Variants in RAB11A observed in about 807,000 individuals in gnomAD.
The protein encoded by RAB11A is ras-related protein Rab-11A.
A neutral mutation model predicts 28.0 loss-of-function variants in RAB11A; 9 were observed. The observed-to-expected ratio is 0.32, with a 90% CI of 0.19 to 0.56. The LOEUF is 0.56. Among genes scored for constraint, RAB11A ranks in the 20% least tolerant of loss-of-function variants. The pLI, the probability that RAB11A is intolerant of heterozygous loss-of-function variation, is 0.91. For synonymous variants in RAB11A, 85 were observed against 88.2 expected, an observed-to-expected ratio of 0.96 and a Z score of 0.20; for missense variants, 108 against 269.6, an observed-to-expected ratio of 0.40 and a Z score of 4.20.
intron 3 of RAB11A, 152 bp from the exon 4 acceptor site, chr15:65,879,519 A>G (rs2078209280): frequency 1.4e-5 from 7 of 493,014 alleles, no homozygotes; most frequent in Non-Finnish European, 2.2e-5. Flanking sequence ...GTAAATAAAT[A>G]AAGTGTAAAC....
intron 4 of RAB11A, among the ~76,000 whole-genome samples, chr15:65,886,814 CACTA>C (rs1314798128): frequency 1.2e-4 from 19 of 152,166 alleles, no homozygotes; most frequent in African/African-American, 4.6e-4. Context: ...AAGAGGCAGA[CACTA>C]AATTATTTTT....
chr15:65,871,143 T>G (rs1441853842), intron 1 of RAB11A, among the ~76,000 whole-genome samples: 1 of 152,144 alleles, frequency 6.6e-6, no homozygotes, highest in Admixed American at 6.5e-5. Flanking sequence ...AATGATTGAC[T>G]AAACCAAGCA....
At chr15:65,884,758 T>TAA (rs59249589) in intron 4 of RAB11A, among the ~76,000 whole-genome samples, 5 of 120,860 alleles carry the variant, frequency 4.1e-5, no homozygotes, top group Non-Finnish European at 7.1e-5. Context: ...GGTGTGTCAT[T>TAA]AAAAAAAAAA....
intron 1 of RAB11A, 56 bp downstream of exon 1, chr15:65,869,681 T>A: frequency 1.9e-6 from 3 of 1,564,316 alleles, no homozygotes; most frequent in Non-Finnish European, 2.6e-6. Context: ...CCCGGGCCAC[T>A]CCCGGTGGAC....
At chr15:65,869,773 G>C (rs1330745346) in intron 1 of RAB11A, 148 bp downstream of exon 1, 10 of 836,100 alleles carry the variant, frequency 1.2e-5, no homozygotes, top group Non-Finnish European at 1.7e-5. Context: ...ACCCAGCTCA[G>C]CCTCTTCTCC....
Position 65,869,609 on chromosome 15 carries a change from C to T in RAB11A, c.24C>T (p.Tyr8=), listed in dbSNP as rs1199375948. The change falls in exon 1 of 5, where the codon TAC becomes TAT. Residue 8 remains tyrosine (Y), a synonymous_variant. Coordinates refer to ENST00000261890, the MANE Select transcript of RAB11A (RefSeq NM_004663.5). The part of the protein sequence containing the change: MGTRDDE[Y]DYLFKVVLIG... ...CAATGGGCACCCGCGACGACGAGTACGACTACCTCTTTAAAGGTGAGGCCA... is the reference window on the plus strand; with the variant it reads ...CAATGGGCACCCGCGACGACGAGTATGACTACCTCTTTAAAGGTGAGGCCA... 1.9e-6 allele frequency: 3 copies of T among 1,611,728 alleles called. No homozygotes were observed. The highest frequency in any genetic ancestry group is 1.1e-5 in the South Asian group (1 of 91,080).
intron 3 of RAB11A, among the ~76,000 whole-genome samples, chr15:65,878,258 G>A (rs1416582280): frequency 6.6e-6 from 1 of 152,246 alleles, no homozygotes. Context: ...GGCTCAGGGA[G>A]TGTCAGGGAC....
chr15:65,889,912 G>A lies in RAB11A; in HGVS notation c.*2072G>A, dbSNP rs1401105663. 6.6e-6 allele frequency: 1 copy of A among 152,118 alleles called. No homozygotes were observed. Among genetic ancestry groups the A allele is most frequent in the Non-Finnish European group, 1.5e-5 (1 of 68,030 alleles). The allele number at this position is 152,118 out of a possible 1,614,324, so 9.4% of individuals were successfully genotyped here. On this transcript the variant is annotated 3_prime_UTR_variant, in exon 5 of 5. Coordinates refer to ENST00000261890, the MANE Select transcript of RAB11A (RefSeq NM_004663.5). The stretch of plus-strand genomic sequence containing the variant: ...AATGACTTTGATTGCATTTCAGCAG[G>A]TGTCTTTATTCTGAGTAGTATCTTA...
chr15:65,884,986 G>A (rs545345457), intron 4 of RAB11A, among the ~76,000 whole-genome samples: 1 of 146,000 alleles, frequency 6.8e-6, no homozygotes, highest in Non-Finnish European at 1.5e-5. Flanking sequence ...TTTGGAGACA[G>A]GGTCTCACAC....
At chr15:65,870,264 C>T (rs971032507) in intron 1 of RAB11A, among the ~76,000 whole-genome samples, 3 of 152,208 alleles carry the variant, frequency 2.0e-5, no homozygotes, top group Non-Finnish European at 2.9e-5. Context: ...CGGTCCTTAA[C>T]CTTCTCTGAC....
intron 1 of RAB11A, 111 bp downstream of exon 1, chr15:65,869,736 C>G (rs1412851500): frequency 1.7e-6 from 2 of 1,186,020 alleles, no homozygotes; most frequent in Non-Finnish European, 2.3e-6. Flanking sequence ...TCCCTCAGCC[C>G]TTCCTTTTTG....
chr15:65,881,722 A>C lies in RAB11A; in HGVS notation c.511+1971A>C, dbSNP rs1198016377. Among the ~76,000 whole-genome samples, 61 of 152,050 alleles carry C rather than the reference A, an allele frequency of 4.0e-4. 1 individual carries two copies. Among genetic ancestry groups the C allele is most frequent in the Admixed American group, 4.0e-3 (61 of 15,264 alleles). On this transcript the variant is annotated intron_variant, in intron 4 of 4. Transcript: ENST00000261890. ...CTTTAAGAGCTGGGCATGTTGATGC[A>C]CGCCTGTAATCCCAGCATTTTGGGA...
chr15:65,882,888 A>G (rs1196875957), intron 4 of RAB11A, among the ~76,000 whole-genome samples: 6 of 152,212 alleles, frequency 3.9e-5, no homozygotes, highest in African/African-American at 1.2e-4. Flanking sequence ...TTTCAAATTT[A>G]AAGAGGTTGA....
Position 65,869,554 on chromosome 15 carries a change from C to G in RAB11A, c.-32C>G. On this transcript the variant is annotated 5_prime_UTR_variant, in exon 1 of 5. Coordinates refer to ENST00000261890, the MANE Select transcript of RAB11A (RefSeq NM_004663.5). ...CCCCCTGGTCCCACAGATACCACTG[C>G]TGCTCCCGCCCTTTCGCTCCTCGGC... 1 of 1,607,562 alleles carries G rather than the reference C, an allele frequency of 6.2e-7. No individual in the cohort carries two copies.
chr15:65,874,502 A>G (rs901991297), intron 1 of RAB11A, among the ~76,000 whole-genome samples: 2 of 152,092 alleles, frequency 1.3e-5, no homozygotes, highest in Non-Finnish European at 2.9e-5. Context: ...TGGCCTTCCA[A>G]AGTGCTGGGA....
intron 3 of RAB11A, 163 bp downstream of exon 3, chr15:65,878,118 A>C (rs1288259524): frequency 1.3e-5 from 10 of 756,890 alleles, no homozygotes; most frequent in Non-Finnish European, 2.1e-5. Context: ...TTTTGCTTTG[A>C]GTCATTAAAA....
chr15:65,891,682 G>A lies in RAB11A; in HGVS notation c.*3842G>A, dbSNP rs1272326357. The A allele has an allele frequency of 6.6e-6, 1 of 152,154 alleles. No individual in the cohort carries two copies. The highest frequency in any genetic ancestry group is 2.4e-5 in the African/African-American group (1 of 41,430). The allele number at this position is 152,154 out of a possible 1,614,324, so 9.4% of individuals were successfully genotyped here. Reference sequence around the variant, plus strand: ...AAATTTAATAGAGAAGTCAAAATGAGGTATGCACTTTGTGGAATGTTTTTG... The same window carrying A: ...AAATTTAATAGAGAAGTCAAAATGAAGTATGCACTTTGTGGAATGTTTTTG... On this transcript the variant is annotated 3_prime_UTR_variant, in exon 5 of 5. Transcript: ENST00000261890.
Position 65,877,801 on chromosome 15 carries a change from C to T in RAB11A, c.276C>T (p.Asp92=), listed in dbSNP as rs533526664. 3 of 1,610,590 alleles carry T rather than the reference C, an allele frequency of 1.9e-6. No homozygotes were observed. Among genetic ancestry groups the T allele is most frequent in the Admixed American group, 3.3e-5 (2 of 59,954 alleles). The change falls in exon 3 of 5, where the codon GAC becomes GAT. Residue 92 remains aspartate, a synonymous_variant. Transcript: ENST00000261890. The surrounding 1 kb of genome is among the most constrained non-coding windows in gnomAD (Gnocchi z 4.1). ...CTGTAGGTGCCTTATTGGTTTATGACATTGCTAAACATCTCACATATGAAA... is the reference window on the plus strand; with the variant it reads ...CTGTAGGTGCCTTATTGGTTTATGATATTGCTAAACATCTCACATATGAAA... The part of the protein sequence containing the change: ...RGAVGALLVY[D]IAKHLTYENV...
At position 65,877,991 on chromosome 15, in the gene RAB11A, T is replaced by C. The variant is rs1180250428; in HGVS notation, c.430+36T>C. The C allele has an allele frequency of 6.4e-7, 1 of 1,566,402 alleles. No homozygotes were observed. The highest frequency in any genetic ancestry group is 2.2e-5 in the East Asian group (1 of 44,610). On this transcript the variant is annotated intron_variant, in intron 3 of 4. Transcript: ENST00000261890. The surrounding 1 kb of genome is among the most constrained non-coding windows in gnomAD (Gnocchi z 4.1). ...GGAATTCCATGATATTTCTTACCATTGTGTCTTGTGGTTTTGATACCTTCC... is the reference window on the plus strand; with the variant it reads ...GGAATTCCATGATATTTCTTACCATCGTGTCTTGTGGTTTTGATACCTTCC...
Sources: gnomAD v4.1 joint callset for allele counts (sites outside exome capture counted in the v4.1 genomes callset) on GRCh38, gnomAD v4.1.1 for gene constraint, Gnocchi (gnomAD v3.1) non-coding constraint, MANE v1.5 for transcripts, NCBI Gene and HGNC (gene_info 2026-07-23, HGNC 2026-07-21) for gene names.